The following GPSM1 variants were observed in gnomAD, a reference collection of about 807,000 sequenced individuals.
The protein encoded by GPSM1 is G protein-signaling modulator 1.
Under a neutral mutation model 70.5 loss-of-function variants are expected in GPSM1, and 48 were observed. The observed-to-expected ratio is 0.68, with a 90% CI of 0.54 to 0.87. The LOEUF is 0.87. Among genes scored for constraint, GPSM1 ranks in the 40% least tolerant of loss-of-function variants. The pLI, the probability that GPSM1 is intolerant of heterozygous loss-of-function variation, is 0.00. For missense variants in GPSM1, 981 were observed against 972.6 expected, an observed-to-expected ratio of 1.01 and a Z score of -0.11; for synonymous variants, 416 against 430.1, an observed-to-expected ratio of 0.97 and a Z score of 0.41.
At chr9:136,327,804 C>T (rs1554768099) in intron 1 of GPSM1, 41 bp downstream of exon 1, 1 of 822,530 alleles carries the variant, frequency 1.2e-6, no homozygotes, top group Non-Finnish European at 1.6e-6. Flanking sequence ...GGGGCTGGGA[C>T]CGGACCGGGC....
At chr9:136,336,565 G>T (rs1310988485) in intron 3 of GPSM1, among the ~76,000 whole-genome samples, 1 of 152,202 alleles carries the variant, frequency 6.6e-6, no homozygotes, top group South Asian at 2.1e-4. Flanking sequence ...CCAAGGCTGG[G>T]GGGACGTGAC....
rs564826126 is a variant in GPSM1, at chr9:136,341,378, G to A, written c.1207+385G>A. 4.8e-5 allele frequency: 68 copies of A among 1,427,762 alleles called. No individual in the cohort carries two copies. In the African/African-American group the frequency reaches 9.5e-4, roughly 20 times the overall value. The allele number at this position is 1,427,762 out of a possible 1,614,324, so 88.4% of individuals were successfully genotyped here. A position where few individuals can be genotyped will look rare whatever the true frequency, so the allele number is the denominator to read the frequency against. On this transcript the variant is annotated intron_variant, in intron 9 of 13. Coordinates refer to ENST00000440944, the MANE Select transcript of GPSM1 (RefSeq NM_001145638.3). This position sits in a 1 kb window ranked among gnomAD's most constrained non-coding sequence, Gnocchi z 6.7. Reference sequence around the variant, plus strand: ...GGGCATCAGCCAGAGGGCTGGGCTGGGCTGGGCTGGGCTGGGCTGTGGGAG... The same window carrying A: ...GGGCATCAGCCAGAGGGCTGGGCTGAGCTGGGCTGGGCTGGGCTGTGGGAG...
intron 11 of GPSM1, among the ~76,000 whole-genome samples, chr9:136,352,709 C>T (rs980806358): frequency 2.0e-5 from 3 of 152,220 alleles, no homozygotes; most frequent in East Asian, 1.9e-4. Flanking sequence ...CGTAGTCAGG[C>T]TGAATAAAGA....
chr9:136,335,847 C>T, intron 2 of GPSM1, 119 bp from the exon 3 acceptor site: 12 of 1,040,518 alleles, frequency 1.2e-5, no homozygotes, highest in East Asian at 2.6e-5. Flanking sequence ...GTTGCAGGCT[C>T]CTGTCCACTC....
At position 136,358,854 on chromosome 9, in the gene GPSM1, C is replaced by G. The variant is rs1256621192; in HGVS notation, c.*634C>G. The G allele has an allele frequency of 6.5e-6, 1 of 153,992 alleles. No individual in the cohort carries two copies. The highest frequency in any genetic ancestry group is 1.4e-5 in the Non-Finnish European group (1 of 69,408). 9.5% of individuals were successfully genotyped at this position (153,992 alleles called of 1,614,324 possible). A position where few individuals can be genotyped will look rare whatever the true frequency, so the allele number is the denominator to read the frequency against. On this transcript the variant is annotated 3_prime_UTR_variant, in exon 14 of 14. Coordinates refer to ENST00000440944, the MANE Select transcript of GPSM1 (RefSeq NM_001145638.3). ...TCCCAGGGCCCTGCAGGGGCCTCGA[C>G]AGGAGCCGGGCCTATCTCTAAAGCA...
chr9:136,353,667 A>G (rs1291078294), intron 11 of GPSM1, among the ~76,000 whole-genome samples: 2 of 152,200 alleles, frequency 1.3e-5, no homozygotes, highest in African/African-American at 4.8e-5. Flanking sequence ...GGCCTGGGAC[A>G]TGGCCCCTGA....
chr9:136,337,103 G>A (rs1370341557), intron 4 of GPSM1, 31 bp downstream of exon 4: 10 of 1,529,978 alleles, frequency 6.5e-6, no homozygotes, highest in Non-Finnish European at 8.8e-6. Context: ...CCAGGGACCG[G>A]GGCTGGCCTG....
At chr9:136,338,517 G>A (rs781938667) in intron 6 of GPSM1, 38 bp from the exon 7 acceptor site, 1 of 1,583,622 alleles carries the variant, frequency 6.3e-7, no homozygotes, top group Admixed American at 1.7e-5. Context: ...TCACCCTGGA[G>A]CCCTCCTCCT....
chr9:136,356,872 C>T (rs1289036545), intron 13 of GPSM1, among the ~76,000 whole-genome samples: 1 of 152,168 alleles, frequency 6.6e-6, no homozygotes, highest in African/African-American at 2.4e-5. Context: ...GAGCTCATGG[C>T]CTCAGGGATT....
chr9:136,358,572 C>T lies in GPSM1; in HGVS notation c.*352C>T. 2.4e-6 allele frequency: 1 copy of T among 410,144 alleles called. No homozygotes were observed. The highest frequency in any genetic ancestry group is 4.4e-6 in the Non-Finnish European group (1 of 228,490). 25.4% of individuals were successfully genotyped at this position (410,144 alleles called of 1,614,324 possible). On this transcript the variant is annotated 3_prime_UTR_variant, in exon 14 of 14. Transcript: ENST00000440944. ...GCCAAATGTGAAACCCTGCTGTCTC[C>T]CCCACCCTCCCCAAAGGTGTCTCTG... is the stretch of plus-strand genomic sequence containing the variant.
chr9:136,339,588 G>A (rs1588695589), intron 7 of GPSM1, 119 bp from the exon 8 acceptor site: 2 of 679,922 alleles, frequency 2.9e-6, no homozygotes, highest in Middle Eastern at 4.0e-4. Flanking sequence ...TTGGGCCTGG[G>A]GGCCCCTGAT....
rs866129999 is a variant in GPSM1 at position 136,359,431 on chromosome 9, G to A, written c.*1211G>A. ...AGGGGCAGGGCCGCACCCGAGAGCAGGGACAGGTGCCCGAACACAGGGTCT... is the reference window on the plus strand; with the variant it reads ...AGGGGCAGGGCCGCACCCGAGAGCAAGGACAGGTGCCCGAACACAGGGTCT... On this transcript the variant is annotated 3_prime_UTR_variant, in exon 14 of 14. Transcript: ENST00000440944. The A allele has an allele frequency of 9.9e-5, 15 of 152,268 alleles. No individual in the cohort carries two copies. Among genetic ancestry groups the A allele is most frequent in the African/African-American group, 2.9e-4 (12 of 41,436 alleles). The allele number at this position is 152,268 out of a possible 1,614,324, so 9.4% of individuals were successfully genotyped here.
rs565921798 is a variant in GPSM1 at position 136,349,731 on chromosome 9, A to G, written c.1423A>G (p.Ser475Gly). Reference sequence around the variant, plus strand: ...GGAGGGCAGCCACTCCCCGCTGGACAGCGCCGACGTCCGGGTGCACGTGCC... The same window carrying G: ...GGAGGGCAGCCACTCCCCGCTGGACGGCGCCGACGTCCGGGTGCACGTGCC... ...PREGSHSPLD[S>G]ADVRVHVPRT... Residue 475 changes from serine to glycine, a missense_variant, in exon 11 of 14, where the codon AGC becomes GGC. Coordinates refer to ENST00000440944, the MANE Select transcript of GPSM1 (RefSeq NM_001145638.3). 223 of 1,579,332 alleles carry G rather than the reference A, an allele frequency of 1.4e-4. 3 individuals carry two copies. The South Asian group carries it at 2.5e-3, about 18-fold the overall frequency.
At chr9:136,336,781 C>T (rs1554769294) in intron 3 of GPSM1, 140 bp from the exon 4 acceptor site, 3 of 816,390 alleles carry the variant, frequency 3.7e-6, no homozygotes. Context: ...TCCGCCCCTG[C>T]CTTAGTGTCT....
At chr9:136,335,020 G>C (rs1319365820) in intron 2 of GPSM1, among the ~76,000 whole-genome samples, 5 of 152,204 alleles carry the variant, frequency 3.3e-5, no homozygotes, top group Non-Finnish European at 7.4e-5. Context: ...CTGGGACCCC[G>C]GCAGGGAGCT....
rs781860597 is a variant in GPSM1 at position 136,328,348 on chromosome 9, CA to C, written c.68+587del. Among the ~76,000 whole-genome samples, 3 of 152,176 alleles carry C rather than the reference CA, an allele frequency of 2.0e-5. No homozygotes were observed. The East Asian group carries it at 5.8e-4, about 29-fold the overall frequency. ...GGTGGCATGCCTGCCTGGTGACTCCCAATGTCCCCCCAGGGGCTGCCCTGGG... is the reference window on the plus strand; with the variant it reads ...GGTGGCATGCCTGCCTGGTGACTCCCATGTCCCCCCAGGGGCTGCCCTGGG... On this transcript the variant is annotated intron_variant, in intron 1 of 13. Transcript: ENST00000440944.
chr9:136,336,080 C>T lies in GPSM1; in HGVS notation c.405C>T (p.Ile135=), dbSNP rs782676684. The change falls in exon 3 of 14, where the codon ATC becomes ATT. Residue 135 remains isoleucine (I), a synonymous_variant. Transcript: ENST00000440944. ...AAVCCQRHLS[I]AQEQGDKVGE... is the part of the protein sequence containing the mutation. ...TCTGCTGCCAGCGGCATCTGAGCAT[C>T]GCCCAAGAGCAGGGAGACAAGGTGG... 20 of 1,611,612 alleles carry T rather than the reference C, an allele frequency of 1.2e-5. No individual in the cohort carries two copies. The highest frequency in any genetic ancestry group is 1.0e-4 in the Admixed American group (6 of 59,966).
chr9:136,349,881 G>GT (rs1554771803), intron 11 of GPSM1, 118 bp downstream of exon 11: 2 of 938,886 alleles, frequency 2.1e-6, no homozygotes, highest in Non-Finnish European at 3.1e-6. Context: ...GGAGGCAGGG[G>GT]TCCCTCCCCG....
intron 11 of GPSM1, among the ~76,000 whole-genome samples, chr9:136,352,823 G>C (rs1385744300): frequency 2.0e-5 from 3 of 152,376 alleles, no homozygotes; most frequent in African/African-American, 7.2e-5. Flanking sequence ...CAGCCCTCCA[G>C]TGTGCCCGCC....
Sources: allele counts gnomAD v4.1 joint callset (sites outside exome capture counted in the v4.1 genomes callset), GRCh38; gene constraint gnomAD v4.1.1; non-coding constraint Gnocchi (gnomAD v3.1); transcripts MANE v1.5; gene names NCBI Gene and HGNC (gene_info 2026-07-23, HGNC 2026-07-21).